The following KLHL14 variants were observed in gnomAD, a reference collection of about 807,000 sequenced individuals.
KLHL14 encodes the protein kelch-like protein 14.
Under a neutral mutation model 64.3 loss-of-function variants are expected in KLHL14, and 22 were observed. The observed-to-expected ratio is 0.34, with a 90% CI of 0.24 to 0.49. The LOEUF is 0.49. Among genes scored for constraint, KLHL14 ranks in the 20% least tolerant of loss-of-function variants. The pLI is 0.99. For synonymous variants in KLHL14, 322 were observed against 333.4 expected (o/e 0.97, Z 0.37); for missense variants, 661 against 789.0 (o/e 0.84, Z 1.94).
chr18:32,703,812 C>A (rs2049977465), intron 3 of KLHL14, among the ~76,000 whole-genome samples: 1 of 152,118 alleles, frequency 6.6e-6, no homozygotes, highest in African/African-American at 2.4e-5. Context: ...TCCTGGCATG[C>A]TAGTAGGAAC....
intron 3 of KLHL14, among the ~76,000 whole-genome samples, chr18:32,734,893 T>C (rs1042818483): frequency 2.0e-5 from 3 of 152,116 alleles, no homozygotes; most frequent in African/African-American, 7.2e-5. Context: ...TCTGTGTGTG[T>C]GTGTGTGTGC....
chr18:32,683,308 G>C lies in KLHL14; in HGVS notation c.1239-2709C>G, dbSNP rs1203631531. Among the ~76,000 whole-genome samples, 1 of 152,136 alleles carries C rather than the reference G, an allele frequency of 6.6e-6. No homozygotes were observed. Among genetic ancestry groups the C allele is most frequent in the Non-Finnish European group, 1.5e-5 (1 of 68,008 alleles). On this transcript the variant is annotated intron_variant, in intron 5 of 8. Coordinates refer to ENST00000359358, the MANE Select transcript of KLHL14 (RefSeq NM_020805.3). This position sits in a 1 kb window ranked among gnomAD's most constrained non-coding sequence, Gnocchi z 4.2. ...AGCAGATTTCACTTCCTGATGACAA[G>C]TGCATTTTTAGGTAGAAATTCCAAT... is the stretch of plus-strand genomic sequence containing the variant.
At chr18:32,766,385 A>G (rs1031506856) in intron 2 of KLHL14, among the ~76,000 whole-genome samples, 4 of 152,076 alleles carry the variant, frequency 2.6e-5, no homozygotes, top group African/African-American at 9.7e-5. Flanking sequence ...TCGCTTTATG[A>G]AACTAAATTT....
intron 2 of KLHL14, among the ~76,000 whole-genome samples, chr18:32,758,380 T>C (rs753920662): frequency 2.0e-5 from 3 of 152,212 alleles, no homozygotes; most frequent in East Asian, 1.9e-4. Context: ...CACCATGAGA[T>C]ACTACTTCAC....
chr18:32,694,467 ATCT>A (rs1326784232), intron 4 of KLHL14, among the ~76,000 whole-genome samples: 3 of 152,248 alleles, frequency 2.0e-5, no homozygotes, highest in Non-Finnish European at 4.4e-5. Context: ...CCCAGGAACC[ATCT>A]TCTTTCCAAC....
At chr18:32,731,138 C>A (rs575458112) in intron 3 of KLHL14, among the ~76,000 whole-genome samples, 51 of 152,242 alleles carry the variant, frequency 3.3e-4, no homozygotes, top group Admixed American at 1.1e-3. Flanking sequence ...ATCCACAAAA[C>A]CAAAAATTCT....
chr18:32,690,559 G>A (rs987391065), intron 4 of KLHL14, among the ~76,000 whole-genome samples: 1 of 151,792 alleles, frequency 6.6e-6, no homozygotes, highest in Non-Finnish European at 1.5e-5. Context: ...TGAAACCCCA[G>A]CTCTACTAAA....
At chr18:32,766,223 TC>T (rs147878019) in intron 2 of KLHL14, among the ~76,000 whole-genome samples, 146 of 152,236 alleles carry the variant, frequency 9.6e-4, no homozygotes, top group African/African-American at 3.3e-3. Context: ...TTAATTAATA[TC>T]TAATCCAATT....
intron 3 of KLHL14, among the ~76,000 whole-genome samples, chr18:32,699,491 T>C (rs1163205245): frequency 1.3e-5 from 2 of 152,106 alleles, no homozygotes; most frequent in Non-Finnish European, 2.9e-5. Flanking sequence ...ATTCATTTTA[T>C]TTTTTTAGAA....
chr18:32,746,522 T>C (rs1215726956), intron 2 of KLHL14, among the ~76,000 whole-genome samples: 1 of 152,228 alleles, frequency 6.6e-6, no homozygotes, highest in Admixed American at 6.5e-5. Context: ...TCTCATTTAT[T>C]TATATTTCAG....
At chr18:32,702,142 G>T (rs922417476) in intron 3 of KLHL14, among the ~76,000 whole-genome samples, 2 of 151,908 alleles carry the variant, frequency 1.3e-5, no homozygotes, top group Non-Finnish European at 2.9e-5. Context: ...CTGTTTTAAG[G>T]TATTCTTTTC....
intron 3 of KLHL14, among the ~76,000 whole-genome samples, chr18:32,727,724 G>A (rs1436097995): frequency 1.3e-5 from 2 of 152,164 alleles, no homozygotes; most frequent in Non-Finnish European, 1.5e-5. Context: ...ACACACAAGA[G>A]CAGCTACTGA....
chr18:32,767,183 G>T (rs2050351104), intron 2 of KLHL14, among the ~76,000 whole-genome samples: 1 of 152,232 alleles, frequency 6.6e-6, no homozygotes, highest in Non-Finnish European at 1.5e-5. Flanking sequence ...GACACATAAG[G>T]CTAAGGGAAC....
chr18:32,738,560 A>G (rs989342066), intron 3 of KLHL14: 1 of 152,162 alleles, frequency 6.6e-6, no homozygotes, highest in African/African-American at 2.4e-5. Flanking sequence ...TCATTTTTAC[A>G]TGTTATTTCT....
intron 2 of KLHL14, among the ~76,000 whole-genome samples, chr18:32,752,778 CTTTTTT>C (rs61338140): frequency 2.1e-5 from 2 of 95,438 alleles, no homozygotes; most frequent in Non-Finnish European, 2.1e-5. Flanking sequence ...AATGTGGGAA[CTTTTTT>C]TTTTTTTTTT....
At chr18:32,679,352 G>A (rs893531934) in intron 7 of KLHL14, among the ~76,000 whole-genome samples, 13 of 152,122 alleles carry the variant, frequency 8.5e-5, no homozygotes, top group Non-Finnish European at 1.8e-4. Context: ...TACTTAGATA[G>A]CCTGTTTCCC....
chr18:32,742,082 C>T (rs2050202111), intron 2 of KLHL14, 33 bp from the exon 3 acceptor site: 1 of 1,607,180 alleles, frequency 6.2e-7, no homozygotes, highest in African/African-American at 1.3e-5. Flanking sequence ...GATGAATAAC[C>T]ACATTACTGT....
intron 4 of KLHL14, among the ~76,000 whole-genome samples, chr18:32,691,678 A>C (rs2049908405): frequency 1.3e-5 from 2 of 152,302 alleles, no homozygotes; most frequent in South Asian, 4.1e-4. Context: ...TAGAGTGAGG[A>C]AGGTGAGATG....
intron 2 of KLHL14, chr18:32,743,483 A>G (rs950723841): frequency 6.6e-6 from 1 of 152,208 alleles, no homozygotes; most frequent in African/African-American, 2.4e-5. Context: ...CAGTGGGAAA[A>G]ATACCTTCTG....
Sources: allele counts gnomAD v4.1 joint callset (sites outside exome capture counted in the v4.1 genomes callset), GRCh38; gene constraint gnomAD v4.1.1; non-coding constraint Gnocchi (gnomAD v3.1); transcripts MANE v1.5; gene names NCBI Gene and HGNC (gene_info 2026-07-23, HGNC 2026-07-21).